The following TOGARAM2 variants were observed in gnomAD, a reference collection of about 807,000 sequenced individuals.
TOGARAM2 encodes TOG array regulator of axonemal microtubules protein 2.
TOGARAM2 carries 85 observed loss-of-function variants against 93.3 expected under a neutral mutation model. The observed-to-expected ratio is 0.91, with a 90% CI of 0.76 to 1.09. The LOEUF (loss-of-function observed/expected upper bound fraction) is 1.09. Ranked by LOEUF, TOGARAM2 falls within the 50% of genes least tolerant of loss-of-function variation. The pLI is 0.00. For missense variants in TOGARAM2, 1,277 were observed against 1,334.5 expected (o/e 0.96, Z 0.67); for synonymous variants, 593 against 552.8 (o/e 1.07, Z -1.02).
In TOGARAM2 at chr2:29,005,739, ATATATGTGTGTATGTG is replaced by A. The variant is rs1379820276; in HGVS notation, c.830+2059_830+2074del. Among the ~76,000 whole-genome samples the A allele has an allele frequency of 3.1e-4, 38 of 121,264 alleles. 5 individuals carry two copies. The highest frequency in any genetic ancestry group is 1.7e-3 in the South Asian group (6 of 3,506). 79.6% of individuals were successfully genotyped at this position (121,264 alleles called of 152,430 possible). ...TGCATGTGTGCATGTGTGTGAGCACATATATGTGTGTATGTGTGTGTGTGAGTACATGTGTGGAGTA... is the reference window on the plus strand; with the variant it reads ...TGCATGTGTGCATGTGTGTGAGCACATGTGTGTGAGTACATGTGTGGAGTA... On this transcript the variant is annotated intron_variant, in intron 6 of 19. Coordinates refer to ENST00000379558, the MANE Select transcript of TOGARAM2 (RefSeq NM_199280.4).
chr2:29,021,218 G>A (rs17007449), intron 10 of TOGARAM2, among the ~76,000 whole-genome samples: 16 of 152,206 alleles, frequency 1.1e-4, no homozygotes, highest in Admixed American at 2.0e-4. Flanking sequence ...CCGGCTGTGC[G>A]TCCACTTTCA....
chr2:29,016,462 A>G (rs992193167), intron 8 of TOGARAM2, among the ~76,000 whole-genome samples: 2 of 152,212 alleles, frequency 1.3e-5, no homozygotes, highest in African/African-American at 4.8e-5. Context: ...GGGAAGGGTG[A>G]AGGGAACACA....
At chr2:29,035,284 C>G (rs1389763082) in intron 16 of TOGARAM2, among the ~76,000 whole-genome samples, 180 bp from the exon 17 acceptor site, 1 of 152,112 alleles carries the variant, frequency 6.6e-6, no homozygotes, top group East Asian at 1.9e-4. Context: ...TGGCCCCTGA[C>G]AAGGGGATGG....
intron 1 of TOGARAM2, among the ~76,000 whole-genome samples, chr2:28,973,112 CTG>C (rs1361222452): frequency 6.6e-6 from 1 of 152,152 alleles, no homozygotes; most frequent in Non-Finnish European, 1.5e-5. Context: ...CCTCTTTCCT[CTG>C]TGTGGGCTGT....
intron 1 of TOGARAM2, among the ~76,000 whole-genome samples, chr2:28,966,884 G>A (rs1216658024): frequency 1.3e-5 from 2 of 152,206 alleles, no homozygotes; most frequent in Admixed American, 6.5e-5. Context: ...GACAGCTCAT[G>A]AGTTTCATAG....
chr2:28,990,676 G>T (rs79640974), intron 1 of TOGARAM2, among the ~76,000 whole-genome samples: 224 of 152,274 alleles, frequency 1.5e-3, no homozygotes, highest in Admixed American at 3.0e-3. Flanking sequence ...TAGTCAGACA[G>T]TATGGAGGGT....
chr2:28,958,926 C>T (rs1185952534), intron 1 of TOGARAM2, among the ~76,000 whole-genome samples: 1 of 152,176 alleles, frequency 6.6e-6, no homozygotes, highest in Admixed American at 6.5e-5. Flanking sequence ...GCGCGCCAGC[C>T]CTCTGGGATT....
chr2:29,030,081 C>T (rs1665673485), intron 14 of TOGARAM2, among the ~76,000 whole-genome samples: 1 of 152,174 alleles, frequency 6.6e-6, no homozygotes, highest in African/African-American at 2.4e-5. Flanking sequence ...TGAGATCAGC[C>T]TGGGCAACAC....
chr2:28,991,054 G>C (rs534561310), intron 1 of TOGARAM2, among the ~76,000 whole-genome samples: 1 of 148,904 alleles, frequency 6.7e-6, no homozygotes, highest in African/African-American at 2.5e-5. Flanking sequence ...TTTCCCCAGG[G>C]AAAAAGAAGG....
chr2:28,995,922 T>C (rs1456588803), intron 2 of TOGARAM2, among the ~76,000 whole-genome samples: 1 of 152,086 alleles, frequency 6.6e-6, no homozygotes, highest in Non-Finnish European at 1.5e-5. Context: ...GCCAGGAGGG[T>C]GTGGGACCCA....
intron 14 of TOGARAM2, among the ~76,000 whole-genome samples, chr2:29,028,783 G>A (rs1419499502): frequency 4.6e-5 from 7 of 152,186 alleles, no homozygotes; most frequent in Non-Finnish European, 1.0e-4. Flanking sequence ...GGATGGCAGA[G>A]CCAACAGGAT....
At chr2:29,006,092 T>TGG (rs200864313) in intron 6 of TOGARAM2, among the ~76,000 whole-genome samples, 32 of 70,300 alleles carry the variant, frequency 4.6e-4, no homozygotes, top group South Asian at 9.4e-4. Flanking sequence ...TGTGTGTGTG[T>TGG]GGGGTGCATG....
At position 29,011,463 on chromosome 2, in the gene TOGARAM2, G is replaced by A. The variant is rs1446625760; in HGVS notation, c.839G>A (p.Arg280Gln). ...GLRAPRTRLA[R>Q]GSGPREKTPA... is the part of the protein sequence containing the mutation. ...TCCCCCGTTCTTTTAAGATTGGCTCGGGGGAGTGGGCCTCGGGAGAAGACC... is the reference window on the plus strand; with the variant it reads ...TCCCCCGTTCTTTTAAGATTGGCTCAGGGGAGTGGGCCTCGGGAGAAGACC... The change falls in exon 7 of 20, where the codon CGG becomes CAG. Residue 280 changes from arginine to glutamine, a missense_variant. Physicochemically the swap from Arg to Gln is conservative, Grantham distance 43 (BLOSUM62 1). Transcript: ENST00000379558. 3 of 1,608,854 alleles carry A rather than the reference G, an allele frequency of 1.9e-6. No homozygotes were observed. The highest frequency in any genetic ancestry group is 1.3e-5 in the African/African-American group (1 of 74,704).
chr2:29,029,522 C>T (rs141668300), intron 14 of TOGARAM2, among the ~76,000 whole-genome samples: 28,348 of 151,816 alleles, frequency 0.19, 3,310 homozygotes, highest in South Asian at 0.28. Flanking sequence ...TTTGGGAGGC[C>T]GAGGCTGGCA....
chr2:29,028,161 G>A (rs1665527007), intron 14 of TOGARAM2, among the ~76,000 whole-genome samples: 1 of 152,160 alleles, frequency 6.6e-6, no homozygotes, highest in Admixed American at 6.5e-5. Flanking sequence ...ATTTGGATGA[G>A]TGTGTAGGTC....
At chr2:28,993,696 C>T (rs1480220624) in intron 1 of TOGARAM2, among the ~76,000 whole-genome samples, 2 of 152,150 alleles carry the variant, frequency 1.3e-5, no homozygotes, top group Non-Finnish European at 2.9e-5. Flanking sequence ...GGGCTGGGTG[C>T]TGGGCTGGGT....
intron 14 of TOGARAM2, among the ~76,000 whole-genome samples, chr2:29,029,300 G>GACACACAC (rs1558453550): frequency 1.2e-5 from 1 of 86,092 alleles, no homozygotes; most frequent in Non-Finnish European, 2.8e-5. Flanking sequence ...CACACACACT[G>GACACACAC]GAATACTTAG....
chr2:29,019,984 G>A (rs570809442), intron 10 of TOGARAM2, among the ~76,000 whole-genome samples: 10 of 152,206 alleles, frequency 6.6e-5, no homozygotes, highest in Non-Finnish European at 1.5e-4. Flanking sequence ...ATTTACTTCC[G>A]CAGAAGGCTG....
At chr2:29,008,951 T>A (rs923540502) in intron 6 of TOGARAM2, among the ~76,000 whole-genome samples, 5 of 152,234 alleles carry the variant, frequency 3.3e-5, no homozygotes, top group African/African-American at 1.2e-4. Context: ...TGGGGCTCTC[T>A]AGCCAATGGA....
Sources: allele counts gnomAD v4.1 joint callset (sites outside exome capture counted in the v4.1 genomes callset), GRCh38; gene constraint gnomAD v4.1.1; transcripts MANE v1.5; gene names NCBI Gene and HGNC (gene_info 2026-07-23, HGNC 2026-07-21).